LRRC4C: variants seen among roughly 807,000 people sequenced by gnomAD.
LRRC4C encodes leucine rich repeat containing 4C.
LRRC4C carries 5 observed loss-of-function variants against 33.6 expected under a neutral mutation model. The ratio of observed to expected loss-of-function variants is 0.15; its 90% CI spans 0.08 to 0.31. The LOEUF (loss-of-function observed/expected upper bound fraction) is 0.31. Ranked by LOEUF, LRRC4C falls within the 10% of genes least tolerant of loss-of-function variation. LRRC4C has a pLI of 1.00. For missense variants in LRRC4C, 560 were observed against 796.7 expected (o/e 0.70, Z 3.58); for synonymous variants, 329 against 302.0 (o/e 1.09, Z -0.93).
At chr11:41,163,800 C>T (rs185108807) in intron 1 of LRRC4C, among the ~76,000 whole-genome samples, 10 of 150,132 alleles carry the variant, frequency 6.7e-5, no homozygotes, top group Admixed American at 1.3e-4. Flanking sequence ...TTAGTAGAGA[C>T]GAGGTTTCAC....
At chr11:41,179,494 T>C (rs1282958186) in intron 1 of LRRC4C, among the ~76,000 whole-genome samples, 3 of 152,214 alleles carry the variant, frequency 2.0e-5, no homozygotes, top group African/African-American at 7.2e-5. Context: ...TTCTTCTCAT[T>C]AACTATCTAA....
intron 2 of LRRC4C, among the ~76,000 whole-genome samples, chr11:40,865,734 A>T (rs1954331444): frequency 6.6e-6 from 1 of 151,976 alleles, no homozygotes. Context: ...AGAAGATAAC[A>T]TTCTTTTTAA....
intron 1 of LRRC4C, among the ~76,000 whole-genome samples, chr11:41,449,865 AC>A (rs1235941697): frequency 6.6e-6 from 1 of 151,724 alleles, no homozygotes; most frequent in East Asian, 1.9e-4. Flanking sequence ...CCTTTCCTGG[AC>A]CCTTATCTTG....
chr11:40,551,149 C>T (rs1219658370), intron 3 of LRRC4C, among the ~76,000 whole-genome samples: 2 of 151,974 alleles, frequency 1.3e-5, no homozygotes, highest in Non-Finnish European at 2.9e-5. Context: ...ATATTAAAAT[C>T]CAAATGTGTT....
chr11:40,134,073 T>C (rs1432034417), intron 6 of LRRC4C, among the ~76,000 whole-genome samples: 1 of 151,958 alleles, frequency 6.6e-6, no homozygotes, highest in Non-Finnish European at 1.5e-5. Context: ...ATAAGGAACA[T>C]ACACTAACAG....
intron 2 of LRRC4C, among the ~76,000 whole-genome samples, chr11:40,910,299 A>C (rs1956610917): frequency 6.6e-6 from 1 of 152,200 alleles, no homozygotes; most frequent in Non-Finnish European, 1.5e-5. Context: ...TTATTCAAAA[A>C]ATTACCCAAG....
intron 1 of LRRC4C, among the ~76,000 whole-genome samples, chr11:41,440,135 T>G (rs989163101): frequency 2.6e-5 from 4 of 152,122 alleles, no homozygotes; most frequent in African/African-American, 9.7e-5. Flanking sequence ...CTTTTAAGAA[T>G]TTTGTAGTTT....
intron 2 of LRRC4C, among the ~76,000 whole-genome samples, chr11:40,649,946 C>T (rs1447555102): frequency 1.3e-5 from 2 of 152,176 alleles, no homozygotes; most frequent in African/African-American, 2.4e-5. Context: ...TCCATTTAAA[C>T]TGAATACCAT....
At chr11:40,322,488 C>T (rs771763635) in intron 3 of LRRC4C, among the ~76,000 whole-genome samples, 16 of 152,140 alleles carry the variant, frequency 1.1e-4, no homozygotes, top group East Asian at 5.8e-4. Flanking sequence ...TCAGGTGATT[C>T]ACCTGCCTCA....
intron 5 of LRRC4C, among the ~76,000 whole-genome samples, chr11:40,230,419 G>A (rs767099880): frequency 3.3e-5 from 5 of 152,120 alleles, no homozygotes; most frequent in Non-Finnish European, 7.3e-5. Flanking sequence ...TTACCCAAGA[G>A]GGAGAAGAAG....
chr11:40,662,055 A>T (rs1337050952), intron 2 of LRRC4C, among the ~76,000 whole-genome samples: 4 of 152,240 alleles, frequency 2.6e-5, no homozygotes, highest in African/African-American at 4.8e-5. Flanking sequence ...ATTTATAGAT[A>T]CCTAATGAAT....
chr11:40,917,919 A>T (rs1957026470), intron 2 of LRRC4C, among the ~76,000 whole-genome samples: 1 of 144,440 alleles, frequency 6.9e-6, no homozygotes, highest in Admixed American at 6.9e-5. Flanking sequence ...TGCAATAACA[A>T]AAAACAGTGT....
At position 40,252,274 on chromosome 11, in the gene LRRC4C, T is replaced by C. The variant is rs192490538; in HGVS notation, c.-175-10676A>G. Among the ~76,000 whole-genome samples the C allele has an allele frequency of 2.6e-3, 387 of 151,662 alleles. 2 individuals carry two copies. The highest frequency in any genetic ancestry group is 8.8e-3 in the African/African-American group (365 of 41,344). ...CACCACGAATACACATTTATACACA[T>C]CTATAATCATAATATACCCACCTAA... On this transcript the variant is annotated intron_variant, in intron 4 of 6. Coordinates refer to ENST00000528697, the MANE Select transcript of LRRC4C (RefSeq NM_001258419.2).
At chr11:40,350,526 G>C (rs1333348430) in intron 3 of LRRC4C, among the ~76,000 whole-genome samples, 1 of 152,020 alleles carries the variant, frequency 6.6e-6, no homozygotes, top group Non-Finnish European at 1.5e-5. Context: ...CAGGTAACAT[G>C]ATTCCTACAG....
intron 1 of LRRC4C, among the ~76,000 whole-genome samples, chr11:41,000,717 C>T (rs1038031293): frequency 2.0e-5 from 3 of 152,052 alleles, no homozygotes; most frequent in East Asian, 1.9e-4. Context: ...TTTACTCATT[C>T]GTCTCCCCGA....
chr11:41,107,715 A>T (rs891944753), intron 1 of LRRC4C, among the ~76,000 whole-genome samples: 2 of 152,168 alleles, frequency 1.3e-5, no homozygotes, highest in Non-Finnish European at 2.9e-5. Context: ...AAGCAGGCAG[A>T]TCACCTGAGG....
intron 2 of LRRC4C, among the ~76,000 whole-genome samples, chr11:40,796,635 CTTTTTTTTTTT>C (rs1188389556): frequency 1.9e-5 from 2 of 104,904 alleles, no homozygotes; most frequent in African/African-American, 3.8e-5. Flanking sequence ...AAGCAGAACT[CTTTTTTTTTTT>C]TTTTTTTTTT....
chr11:40,125,975 G>A (rs1343727200), intron 6 of LRRC4C, among the ~76,000 whole-genome samples: 69 of 151,952 alleles, frequency 4.5e-4, no homozygotes, highest in Admixed American at 4.5e-3. Flanking sequence ...AGATTTTCAG[G>A]GAAAAGAATT....
At chr11:40,469,497 T>C (rs1412478264) in intron 3 of LRRC4C, among the ~76,000 whole-genome samples, 1 of 152,114 alleles carries the variant, frequency 6.6e-6, no homozygotes, top group Non-Finnish European at 1.5e-5. Context: ...TTTTTTGTCA[T>C]GCCCCAGTAG....
Sources: allele counts gnomAD v4.1 joint callset (sites outside exome capture counted in the v4.1 genomes callset), GRCh38; gene constraint gnomAD v4.1.1; transcripts MANE v1.5; gene names NCBI Gene and HGNC (gene_info 2026-07-23, HGNC 2026-07-21).